Variants in ARNT2 observed in about 807,000 individuals in gnomAD.
ARNT2 encodes ARNT protein 2.
A neutral mutation model predicts 91.7 loss-of-function variants in ARNT2; 36 were observed. The ratio of observed to expected loss-of-function variants is 0.39; its 90% CI spans 0.30 to 0.52. The LOEUF is 0.52. Ranked by LOEUF, ARNT2 falls within the 20% of genes least tolerant of loss-of-function variation. The probability of loss-of-function intolerance (pLI) is 0.72; values close to 1 mark genes in which losing one functional copy is unlikely to be tolerated. For synonymous variants in ARNT2, 365 were observed against 347.1 expected, an observed-to-expected ratio of 1.05 and a Z score of -0.57; for missense variants, 775 against 939.3, an observed-to-expected ratio of 0.83 and a Z score of 2.29.
intron 8 of ARNT2, among the ~76,000 whole-genome samples, chr15:80,534,776 C>A (rs539619612): frequency 2.1e-4 from 32 of 152,306 alleles, no homozygotes; most frequent in African/African-American, 7.7e-4. Context: ...GCATTTGAAT[C>A]ATTATCCATG....
chr15:80,597,301 T>C lies in ARNT2; in HGVS notation c.*3603T>C. 1.9e-6 allele frequency: 1 copy of C among 518,510 alleles called. No homozygotes were observed. The highest frequency in any genetic ancestry group is 1.4e-5 in the South Asian group (1 of 71,488). 32.1% of individuals were successfully genotyped at this position (518,510 alleles called of 1,614,324 possible). A position where few individuals can be genotyped will look rare whatever the true frequency, so the allele number is the denominator to read the frequency against. On this transcript the variant is annotated 3_prime_UTR_variant, in exon 19 of 19. Transcript: ENST00000303329. Reference sequence around the variant, plus strand: ...TCCGTCACGGTTCTGACCTACCACATAAACAGGAAGAAGCCAGTGACCGGA... The same window carrying C: ...TCCGTCACGGTTCTGACCTACCACACAAACAGGAAGAAGCCAGTGACCGGA...
chr15:80,563,267 G>A lies in ARNT2; in HGVS notation c.1316+28G>A, dbSNP rs112669114. Reference sequence around the variant, plus strand: ...ACGTACACTGCCATTTCCCTCTCCTGGAATCCACATGCGCTTGCTTGGGTC... The same window carrying A: ...ACGTACACTGCCATTTCCCTCTCCTAGAATCCACATGCGCTTGCTTGGGTC... On this transcript the variant is annotated intron_variant, in intron 12 of 18. Coordinates refer to ENST00000303329, the MANE Select transcript of ARNT2 (RefSeq NM_014862.4). 4,608 of 1,613,028 alleles carry A rather than the reference G, an allele frequency of 2.9e-3. 113 individuals carry two copies. The African/African-American group carries it at 0.055, about 19-fold the overall frequency.
intron 8 of ARNT2, among the ~76,000 whole-genome samples, chr15:80,548,352 G>A (rs897971453): frequency 6.6e-5 from 10 of 152,158 alleles, no homozygotes; most frequent in African/African-American, 2.4e-4. Flanking sequence ...AAAGCCCTGA[G>A]ACATTTCCAC....
chr15:80,448,743 G>A (rs1040553267), intron 1 of ARNT2, among the ~76,000 whole-genome samples: 1 of 152,164 alleles, frequency 6.6e-6, no homozygotes, highest in Admixed American at 6.5e-5. Context: ...CAGCACTTTG[G>A]GAGGCCGAGG....
intron 11 of ARNT2, among the ~76,000 whole-genome samples, chr15:80,557,105 G>A (rs182622531): frequency 1.2e-4 from 18 of 152,184 alleles, no homozygotes; most frequent in Admixed American, 6.5e-4. Flanking sequence ...TATTGAAGGC[G>A]TTGCTATGTT....
intron 8 of ARNT2, among the ~76,000 whole-genome samples, chr15:80,525,290 A>G (rs1330438776): frequency 6.6e-6 from 1 of 152,226 alleles, no homozygotes; most frequent in African/African-American, 2.4e-5. Context: ...CCATCTCCAT[A>G]CATGATGATA....
chr15:80,544,009 G>A (rs1414261893), intron 8 of ARNT2, among the ~76,000 whole-genome samples: 1 of 152,096 alleles, frequency 6.6e-6, no homozygotes, highest in Non-Finnish European at 1.5e-5. Flanking sequence ...CCAAAGTGCT[G>A]GGATTACAGG....
chr15:80,446,251 A>G (rs899909454), intron 1 of ARNT2, among the ~76,000 whole-genome samples: 9 of 152,180 alleles, frequency 5.9e-5, no homozygotes, highest in African/African-American at 1.7e-4. Context: ...GGCGAAAGTA[A>G]CAGAGGAGAA....
At chr15:80,536,647 AC>A (rs1596003295) in intron 8 of ARNT2, among the ~76,000 whole-genome samples, 1 of 152,146 alleles carries the variant, frequency 6.6e-6, no homozygotes, top group Non-Finnish European at 1.5e-5. Flanking sequence ...GGAAAACCTT[AC>A]CGAGGACTTC....
At position 80,470,270 on chromosome 15, in the gene ARNT2, A is replaced by C; in HGVS notation, c.247A>C (p.Ile83Leu). The C allele has an allele frequency of 6.2e-7, 1 of 1,614,214 alleles. No individual in the cohort carries two copies. Among genetic ancestry groups the C allele is most frequent in the Non-Finnish European group, 8.5e-7 (1 of 1,180,038 alleles). ...CAGACGGAACAAGATGACTCAGTAC[A>C]TCACGGAGCTCTCCGACATGGTCCC... ...RRRRNKMTQY[I>L]TELSDMVPTC... The change falls in exon 4 of 19, where the codon ATC becomes CTC. Residue 83 changes from isoleucine (I) to leucine (L), a missense_variant. Around this residue, in one of 5 missense-constraint regions of ARNT2, gnomAD observed 83 missense variants for 149.4 expected, o/e 0.56. Transcript: ENST00000303329.
In ARNT2 at chr15:80,404,998, G is replaced by T. The variant is rs1895577790; in HGVS notation, c.31+452G>T. Reference sequence around the variant, plus strand: ...GGATTCAACAGGGTACAACTCCCGGGACTCTCCCCTGCCCGCCCCGCCCAC... The same window carrying T: ...GGATTCAACAGGGTACAACTCCCGGTACTCTCCCCTGCCCGCCCCGCCCAC... On this transcript the variant is annotated intron_variant, in intron 1 of 18. Transcript: ENST00000303329. The surrounding 1 kb of genome is among the most constrained non-coding windows in gnomAD (Gnocchi z 5.5). 6.6e-6 allele frequency among the ~76,000 whole-genome samples: 1 copy of T among 152,124 alleles called. No individual in the cohort carries two copies. The highest frequency in any genetic ancestry group is 6.5e-5 in the Admixed American group (1 of 15,284).
intron 1 of ARNT2, among the ~76,000 whole-genome samples, chr15:80,406,610 A>C (rs1053924872): frequency 2.6e-5 from 4 of 152,202 alleles, no homozygotes; most frequent in African/African-American, 9.7e-5. Context: ...AAGATGGAGT[A>C]ACTGCCCCTG....
chr15:80,472,246 A>T (rs568944089), intron 4 of ARNT2, among the ~76,000 whole-genome samples: 119 of 152,262 alleles, frequency 7.8e-4, no homozygotes, highest in African/African-American at 2.5e-3. Context: ...GCTGAAATAG[A>T]GTGGAAGTGT....
chr15:80,418,197 G>C lies in ARNT2; in HGVS notation c.31+13651G>C, dbSNP rs188696297. Among the ~76,000 whole-genome samples the C allele has an allele frequency of 3.0e-3, 456 of 152,316 alleles. 4 individuals are homozygous for C. Among genetic ancestry groups the C allele is most frequent in the Non-Finnish European group, 3.3e-3 (224 of 68,026 alleles). On this transcript the variant is annotated intron_variant, in intron 1 of 18. Transcript: ENST00000303329. ...TGTTGAAGAGAGGGGGTCTGTCATG[G>C]ACCAGCAAGCCCCATCTTCCCTGGC...
intron 6 of ARNT2, among the ~76,000 whole-genome samples, chr15:80,511,845 G>A (rs1358404796): frequency 1.3e-5 from 2 of 152,098 alleles, no homozygotes; most frequent in Non-Finnish European, 1.5e-5. Context: ...AAGAGAGGGC[G>A]AAGGAAGTTT....
intron 5 of ARNT2, among the ~76,000 whole-genome samples, chr15:80,506,611 G>C (rs1897278741): frequency 6.6e-6 from 1 of 152,228 alleles, no homozygotes; most frequent in African/African-American, 2.4e-5. Flanking sequence ...CTCAAGGTTA[G>C]GCCTAGACAG....
At chr15:80,575,312 G>A (rs960880799) in intron 14 of ARNT2, among the ~76,000 whole-genome samples, 1 of 152,194 alleles carries the variant, frequency 6.6e-6, no homozygotes, top group African/African-American at 2.4e-5. Flanking sequence ...CCAGGGTATG[G>A]TAACTAAACT....
intron 12 of ARNT2, among the ~76,000 whole-genome samples, chr15:80,566,181 G>T (rs1185777954): frequency 5.3e-5 from 8 of 149,682 alleles, no homozygotes; most frequent in Non-Finnish European, 1.2e-4. Flanking sequence ...CAGCGACTTG[G>T]CAGTTTCTTG....
At chr15:80,449,775 A>G (rs1421269142) in intron 1 of ARNT2, among the ~76,000 whole-genome samples, 1 of 152,190 alleles carries the variant, frequency 6.6e-6, no homozygotes, top group African/African-American at 2.4e-5. Flanking sequence ...AGTTCTACTG[A>G]AAGGAAACAG....
Sources: gnomAD v4.1 joint callset for allele counts (sites outside exome capture counted in the v4.1 genomes callset) on GRCh38, gnomAD v4.1.1 for gene constraint, gnomAD v4.1.1 regional missense constraint, Gnocchi (gnomAD v3.1) non-coding constraint, MANE v1.5 for transcripts, NCBI Gene and HGNC (gene_info 2026-07-23, HGNC 2026-07-21) for gene names.